EPHA7: variants seen among roughly 807,000 people sequenced by gnomAD.
The protein encoded by EPHA7 is ephrin type-A receptor 7.
Under a neutral mutation model 112.6 loss-of-function variants are expected in EPHA7, and 25 were observed. The observed-to-expected ratio is 0.22, with a 90% confidence interval of 0.16 to 0.31. EPHA7 has a LOEUF of 0.31. EPHA7 is among the 10% of genes least tolerant of loss of function. The probability of loss-of-function intolerance (pLI) is 1.00; values close to 1 mark genes in which losing one functional copy is unlikely to be tolerated. For missense variants in EPHA7, 962 were observed against 1,212.6 expected, an observed-to-expected ratio of 0.79 and a Z score of 3.07; for synonymous variants, 437 against 406.5, an observed-to-expected ratio of 1.07 and a Z score of -0.90.
intron 3 of EPHA7, among the ~76,000 whole-genome samples, chr6:93,374,110 T>C (rs746081693): frequency 3.9e-5 from 6 of 152,220 alleles, no homozygotes; most frequent in Non-Finnish European, 7.4e-5. Context: ...TTAAAAAAAA[T>C]ATTCAGGTCA....
intron 3 of EPHA7, among the ~76,000 whole-genome samples, chr6:93,370,087 T>A (rs1776712257): frequency 1.3e-5 from 2 of 152,154 alleles, no homozygotes; most frequent in Admixed American, 1.3e-4. Context: ...TCTGTAAGCA[T>A]CCTTAATACA....
At chr6:93,322,134 A>G (rs1194928301) in intron 5 of EPHA7, among the ~76,000 whole-genome samples, 1 of 151,812 alleles carries the variant, frequency 6.6e-6, no homozygotes, top group African/African-American at 2.4e-5. Context: ...ACACGCACAT[A>G]TTTTATAAAC....
At chr6:93,374,502 G>GT (rs1191109009) in intron 3 of EPHA7, among the ~76,000 whole-genome samples, 2 of 152,132 alleles carry the variant, frequency 1.3e-5, no homozygotes, top group African/African-American at 2.4e-5. Flanking sequence ...TTCCTTTTAA[G>GT]TGTCATGCCT....
chr6:93,332,649 A>G (rs761185296), intron 5 of EPHA7, among the ~76,000 whole-genome samples: 4 of 151,750 alleles, frequency 2.6e-5, no homozygotes, highest in Non-Finnish European at 5.9e-5. Context: ...AATTCTGAAG[A>G]CAAAAGCAAG....
chr6:93,391,280 A>G (rs907786961), intron 3 of EPHA7, among the ~76,000 whole-genome samples: 3 of 151,998 alleles, frequency 2.0e-5, no homozygotes. Context: ...AAAAGTGGAA[A>G]TGGAAACTTC....
intron 5 of EPHA7, among the ~76,000 whole-genome samples, chr6:93,354,523 GTACTCATTTTAATATACGAT>G: frequency 6.8e-6 from 1 of 147,628 alleles, no homozygotes; most frequent in Non-Finnish European, 1.5e-5. Flanking sequence ...AGCATAAAAT[GTACTCATTTTAATATACGAT>G]TAAGTATTTT....
chr6:93,270,307 A>G (rs1339932714), intron 6 of EPHA7, among the ~76,000 whole-genome samples: 1 of 151,544 alleles, frequency 6.6e-6, no homozygotes, highest in Non-Finnish European at 1.5e-5. Context: ...CATATTTCAG[A>G]TATAAAAGCT....
chr6:93,355,074 G>A (rs1383264818), intron 5 of EPHA7, among the ~76,000 whole-genome samples: 2 of 151,904 alleles, frequency 1.3e-5, no homozygotes, highest in Non-Finnish European at 2.9e-5. Context: ...ATAAAACAAC[G>A]CAAGTGGAAC....
intron 5 of EPHA7, among the ~76,000 whole-genome samples, chr6:93,326,983 C>T (rs1487975445): frequency 6.6e-6 from 1 of 151,544 alleles, no homozygotes; most frequent in Non-Finnish European, 1.5e-5. Context: ...CCTCATATTT[C>T]CCATCACTTT....
At chr6:93,276,729 A>C (rs1446486825) in intron 5 of EPHA7, among the ~76,000 whole-genome samples, 2 of 152,110 alleles carry the variant, frequency 1.3e-5, no homozygotes, top group Admixed American at 1.3e-4. Context: ...TTGTATGTTG[A>C]AATAGCATGG....
At chr6:93,353,836 T>C (rs1775813487) in intron 5 of EPHA7, among the ~76,000 whole-genome samples, 1 of 152,086 alleles carries the variant, frequency 6.6e-6, no homozygotes, top group African/African-American at 2.4e-5. Context: ...CCAATGGCCC[T>C]ATTCTTCCTG....
intron 3 of EPHA7, among the ~76,000 whole-genome samples, chr6:93,404,597 A>G (rs1778598708): frequency 6.7e-6 from 1 of 149,870 alleles, no homozygotes; most frequent in Admixed American, 6.7e-5. Flanking sequence ...AACCATATAT[A>G]TGTATACATG....
At chr6:93,266,639 A>C (rs189520865) in intron 7 of EPHA7, among the ~76,000 whole-genome samples, 15 of 151,802 alleles carry the variant, frequency 9.9e-5, no homozygotes, top group Admixed American at 9.2e-4. Context: ...AATGGAAGAG[A>C]CTGTCAAATT....
intron 2 of EPHA7, among the ~76,000 whole-genome samples, chr6:93,413,849 A>G (rs1254673203): frequency 6.6e-6 from 1 of 151,876 alleles, no homozygotes; most frequent in African/African-American, 2.4e-5. Flanking sequence ...AATATGCTAC[A>G]GTTTTTGTAT....
chr6:93,366,708 G>A (rs749300821), intron 3 of EPHA7, among the ~76,000 whole-genome samples: 10 of 152,184 alleles, frequency 6.6e-5, no homozygotes, highest in East Asian at 1.9e-4. Flanking sequence ...TTTACCTCTC[G>A]CTTTCACCGT....
At chr6:93,382,661 T>C (rs1262055690) in intron 3 of EPHA7, among the ~76,000 whole-genome samples, 2 of 152,176 alleles carry the variant, frequency 1.3e-5, no homozygotes, top group Non-Finnish European at 2.9e-5. Flanking sequence ...AGTCCCCGGT[T>C]TACTGAACGA....
At chr6:93,381,406 A>G (rs1175122730) in intron 3 of EPHA7, among the ~76,000 whole-genome samples, 1 of 152,208 alleles carries the variant, frequency 6.6e-6, no homozygotes, top group African/African-American at 2.4e-5. Context: ...ATTGTGTTTT[A>G]TTACATTATC....
At chr6:93,360,793 C>G (rs756207592) in intron 3 of EPHA7, among the ~76,000 whole-genome samples, 1 of 151,962 alleles carries the variant, frequency 6.6e-6, no homozygotes, top group Non-Finnish European at 1.5e-5. Context: ...GCAAAAGTAA[C>G]CTGAGTTCTT....
At chr6:93,328,372 T>C (rs1054315762) in intron 5 of EPHA7, among the ~76,000 whole-genome samples, 1 of 151,556 alleles carries the variant, frequency 6.6e-6, no homozygotes, top group African/African-American at 2.4e-5. Context: ...TTTTTGTCTA[T>C]AGCTTTTCCC....
Sources: gnomAD v4.1 joint callset for allele counts (sites outside exome capture counted in the v4.1 genomes callset) on GRCh38, gnomAD v4.1.1 for gene constraint, MANE v1.5 for transcripts, NCBI Gene and HGNC (gene_info 2026-07-23, HGNC 2026-07-21) for gene names.